Variants in KIAA0232 observed in about 807,000 individuals in gnomAD.
KIAA0232 encodes uncharacterized protein KIAA0232.
Under a neutral mutation model 122.0 loss-of-function variants are expected in KIAA0232, and 27 were observed. The ratio of observed to expected loss-of-function variants is 0.22; its 90% confidence interval spans 0.16 to 0.31. The LOEUF is 0.31. Among genes scored for constraint, KIAA0232 ranks in the 10% least tolerant of loss-of-function variants. The pLI, the probability that KIAA0232 is intolerant of heterozygous loss-of-function variation, is 1.00. For synonymous variants in KIAA0232, 613 were observed against 587.6 expected (o/e 1.04, Z -0.63); for missense variants, 1,551 against 1,634.2 (o/e 0.95, Z 0.88).
intron 1 of KIAA0232, among the ~76,000 whole-genome samples, chr4:6,793,116 C>A (rs1243548108): frequency 1.3e-5 from 2 of 152,162 alleles, no homozygotes; most frequent in Non-Finnish European, 1.5e-5. Flanking sequence ...ATCTCCTAAT[C>A]CTGTTCCCTG....
intron 4 of KIAA0232, among the ~76,000 whole-genome samples, chr4:6,847,581 C>G (rs1185705127): frequency 6.6e-6 from 1 of 152,140 alleles, no homozygotes; most frequent in East Asian, 1.9e-4. Flanking sequence ...TTTTTAGGTC[C>G]CAGCTGAAAA....
At chr4:6,830,681 A>G (rs977900061) in intron 3 of KIAA0232, among the ~76,000 whole-genome samples, 3 of 152,230 alleles carry the variant, frequency 2.0e-5, no homozygotes, top group Admixed American at 1.3e-4. Context: ...TGCTGGGATT[A>G]TAGGTGTGAG....
At chr4:6,817,641 C>G (rs964965736) in intron 2 of KIAA0232, among the ~76,000 whole-genome samples, 1 of 152,160 alleles carries the variant, frequency 6.6e-6, no homozygotes, top group Non-Finnish European at 1.5e-5. Flanking sequence ...TTCTTTTAAG[C>G]TTATTGCACC....
At chr4:6,848,250 A>G (rs1359138003) in intron 4 of KIAA0232, among the ~76,000 whole-genome samples, 1 of 152,192 alleles carries the variant, frequency 6.6e-6, no homozygotes, top group African/African-American at 2.4e-5. Context: ...TTGTATATGC[A>G]TTATTTATAT....
rs752693848 is a variant in KIAA0232 at position 6,862,631 on chromosome 4, C to T, written c.2249C>T (p.Ser750Leu). Residue 750 changes from serine to leucine, a missense_variant, in exon 7 of 10, where the codon TCG becomes TTG. By Grantham distance (145) the Ser-to-Leu change is moderately radical (BLOSUM62 -2). Around this residue, in one of 5 missense-constraint regions of KIAA0232, gnomAD observed 1,108 missense variants for 1,154.8 expected, o/e 0.96. Transcript: ENST00000307659. ...ATTAATTATGTAGTTCCTAGAGTCT[C>T]GTCAAATTATGTAGATGAAGAACTT... is the stretch of plus-strand genomic sequence containing the variant. ...EDINYVVPRV[S>L]SNYVDEELLD... The T allele has an allele frequency of 4.3e-6, 7 of 1,613,220 alleles. No individual in the cohort carries two copies. Among genetic ancestry groups the T allele is most frequent in the African/African-American group, 1.3e-5 (1 of 74,898 alleles).
intron 2 of KIAA0232, among the ~76,000 whole-genome samples, chr4:6,811,134 C>A (rs370084726): frequency 6.6e-6 from 1 of 152,068 alleles, no homozygotes; most frequent in African/African-American, 2.4e-5. Context: ...AGGAAAAGAA[C>A]GTGTCAGAAA....
intron 2 of KIAA0232, among the ~76,000 whole-genome samples, chr4:6,810,784 T>A (rs1424962169): frequency 6.6e-6 from 1 of 152,100 alleles, no homozygotes; most frequent in Non-Finnish European, 1.5e-5. Flanking sequence ...ATGAATAGAC[T>A]TTTTTTAAAA....
chr4:6,784,317 T>A (rs1716510242), intron 1 of KIAA0232, among the ~76,000 whole-genome samples: 1 of 152,086 alleles, frequency 6.6e-6, no homozygotes, highest in African/African-American at 2.4e-5. Flanking sequence ...TAATAGGCGA[T>A]GCTGTGGATA....
intron 2 of KIAA0232, among the ~76,000 whole-genome samples, chr4:6,818,959 A>G (rs1718281434): frequency 6.6e-6 from 1 of 152,202 alleles, no homozygotes; most frequent in Non-Finnish European, 1.5e-5. Context: ...CAAAGTTGAC[A>G]AAAATAAGCA....
chr4:6,819,004 T>C (rs62289440), intron 2 of KIAA0232, among the ~76,000 whole-genome samples: 2 of 152,032 alleles, frequency 1.3e-5, no homozygotes, highest in Non-Finnish European at 2.9e-5. Flanking sequence ...TAAATGGTCC[T>C]GGAATAGCTT....
intron 7 of KIAA0232, among the ~76,000 whole-genome samples, chr4:6,867,962 G>A (rs1721273610): frequency 6.6e-6 from 1 of 152,222 alleles, no homozygotes; most frequent in African/African-American, 2.4e-5. Context: ...GTTGCACTCA[G>A]TATCTCTTCA....
intron 4 of KIAA0232, among the ~76,000 whole-genome samples, chr4:6,847,776 GCTGT>G (rs1267684920): frequency 6.6e-6 from 1 of 151,910 alleles, no homozygotes; most frequent in African/African-American, 2.4e-5. Flanking sequence ...ATTATCCTAA[GCTGT>G]CTGTTTCATT....
chr4:6,830,275 A>C lies in KIAA0232; in HGVS notation c.231+5591A>C, dbSNP rs533834837. 2.6e-5 allele frequency among the ~76,000 whole-genome samples: 4 copies of C among 152,250 alleles called. No individual in the cohort carries two copies. The South Asian group carries it at 8.3e-4, about 32-fold the overall frequency. On this transcript the variant is annotated intron_variant, in intron 3 of 9. Coordinates refer to ENST00000307659, the MANE Select transcript of KIAA0232 (RefSeq NM_014743.3). ...CTTGCCCAAGGCCACACAGCTAGTA[A>C]ATTTTGGAGCATTTACTGGTTTAAA...
chr4:6,862,247 T>C lies in KIAA0232; in HGVS notation c.1865T>C (p.Val622Ala). 1 of 1,614,206 alleles carries C rather than the reference T, an allele frequency of 6.2e-7. No individual in the cohort carries two copies. Among genetic ancestry groups the C allele is most frequent in the Non-Finnish European group, 8.5e-7 (1 of 1,180,036 alleles). The stretch of plus-strand genomic sequence containing the variant: ...CTCTCTCCCATCTTAGACAGCACAG[T>C]GCTCAATTCACACCTGCTTGCTGGC... ...VRLSPILDST[V>A]LNSHLLAGNQ... Residue 622 changes from valine to alanine, a missense_variant, in exon 7 of 10, where the codon GTG (valine) becomes GCG (alanine). This residue lies in a region of KIAA0232 where 1,108 missense variants were observed against 1,154.8 expected (regional missense o/e 0.96). Transcript: ENST00000307659.
intron 3 of KIAA0232, among the ~76,000 whole-genome samples, chr4:6,829,150 C>T (rs186342780): frequency 1.4e-3 from 213 of 152,122 alleles, no homozygotes; most frequent in Non-Finnish European, 2.2e-3. Flanking sequence ...TTGGGTTTTT[C>T]GGATATTTCC....
chr4:6,799,322 T>C (rs1430185601), intron 1 of KIAA0232, among the ~76,000 whole-genome samples: 2 of 150,074 alleles, frequency 1.3e-5, no homozygotes, highest in Non-Finnish European at 3.0e-5. Context: ...CTTGATTACA[T>C]TTTCACAGAC....
At position 6,880,383 on chromosome 4, in the gene KIAA0232, C is replaced by T. The variant is rs111507167; in HGVS notation, c.4009-404C>T. Among the ~76,000 whole-genome samples the T allele has an allele frequency of 4.7e-3, 709 of 151,518 alleles. 12 individuals are homozygous for T. The highest frequency in any genetic ancestry group is 0.014 in the African/African-American group (562 of 40,842). On this transcript the variant is annotated intron_variant, in intron 9 of 9. Transcript: ENST00000307659. ...ACACACCCGTCTGCAGTGCCCCCCT[C>T]ACCATCGGTACTGTGTCACTGCAAC...
intron 8 of KIAA0232, among the ~76,000 whole-genome samples, chr4:6,873,946 A>G (rs563518496): frequency 2.0e-5 from 3 of 152,162 alleles, no homozygotes; most frequent in Non-Finnish European, 4.4e-5. Flanking sequence ...GGGGACTCCT[A>G]ATGCTTCTAA....
chr4:6,813,946 A>G (rs1296037253), intron 2 of KIAA0232, among the ~76,000 whole-genome samples: 2 of 152,102 alleles, frequency 1.3e-5, no homozygotes, highest in African/African-American at 4.8e-5. Context: ...GCCGGGCAGC[A>G]CAGAGCAATG....
Sources: gnomAD v4.1 joint callset for allele counts (sites outside exome capture counted in the v4.1 genomes callset) on GRCh38, gnomAD v4.1.1 for gene constraint, gnomAD v4.1.1 regional missense constraint, MANE v1.5 for transcripts, NCBI Gene and HGNC (gene_info 2026-07-23, HGNC 2026-07-21) for gene names.